ABCC12: variants seen among roughly 807,000 people sequenced by gnomAD.
ABCC12 encodes ATP binding cassette subfamily C member 12, also known as ATP-binding cassette sub-family C member 12.
ABCC12 carries 142 observed loss-of-function variants against 151.1 expected under a neutral mutation model. The observed-to-expected ratio is 0.94, with a 90% CI of 0.82 to 1.08. ABCC12 has a LOEUF of 1.08. Among genes scored for constraint, ABCC12 ranks in the 50% least tolerant of loss-of-function variants. The pLI, the probability that ABCC12 is intolerant of heterozygous loss-of-function variation, is 0.00. For missense variants in ABCC12, 1,638 were observed against 1,691.1 expected (o/e 0.97, Z 0.55); for synonymous variants, 645 against 646.4 (o/e 1.00, Z 0.03).
chr16:48,117,724 G>A (rs1963935585), intron 13 of ABCC12, among the ~76,000 whole-genome samples: 1 of 152,166 alleles, frequency 6.6e-6, no homozygotes, highest in African/African-American at 2.4e-5. Flanking sequence ...GGGGGTCACA[G>A]GGCTGAAGCA....
rs528419233 is a variant in ABCC12, at chr16:48,081,170, G to A, written c.*2545C>T. ...TATGTTTCAACAGGAGGATTTTGGGGGAACACAATGTTCAGATCATAGCAG... is the reference window on the plus strand; with the variant it reads ...TATGTTTCAACAGGAGGATTTTGGGAGAACACAATGTTCAGATCATAGCAG... On this transcript the variant is annotated 3_prime_UTR_variant, in exon 31 of 31. Coordinates refer to ENST00000311303, the MANE Select transcript of ABCC12 (RefSeq NM_001393797.1). Among the ~76,000 whole-genome samples, 1 of 152,240 alleles carries A rather than the reference G, an allele frequency of 6.6e-6. No homozygotes were observed. The highest frequency in any genetic ancestry group is 2.1e-4 in the South Asian group (1 of 4,824).
chr16:48,152,577 G>A (rs1250714149), intron 2 of ABCC12, among the ~76,000 whole-genome samples: 1 of 152,214 alleles, frequency 6.6e-6, no homozygotes, highest in Admixed American at 6.5e-5. Flanking sequence ...GGCAAGTTCT[G>A]AAACCCAGCT....
In ABCC12 at chr16:48,143,948, T is replaced by C. The variant is rs200577234; in HGVS notation, c.237A>G (p.Pro79=). Residue 79 remains proline (P), a synonymous_variant, in exon 4 of 31, where the codon CCA becomes CCG. Coordinates refer to ENST00000311303, the MANE Select transcript of ABCC12 (RefSeq NM_001393797.1). ...RQRLTVDTLP[P]LSTYDSSDTN... is the part of the protein sequence containing the mutation. ...TGTCAGATGAGTCATATGTCGACAA[T>C]GGGGGCAGGGTGTCTACGGTCAGCC... is the stretch of plus-strand genomic sequence containing the variant. 9.9e-6 allele frequency: 16 copies of C among 1,614,130 alleles called. No individual in the cohort carries two copies. The East Asian group carries it at 3.3e-4, about 34-fold the overall frequency.
chr16:48,116,312 C>G (rs1273570698), intron 14 of ABCC12, among the ~76,000 whole-genome samples: 1 of 152,194 alleles, frequency 6.6e-6, no homozygotes, highest in Non-Finnish European at 1.5e-5. Context: ...AGTCCCCTCT[C>G]CCTGGGGAGC....
At chr16:48,105,996 C>T (rs1963480117) in intron 20 of ABCC12, among the ~76,000 whole-genome samples, 1 of 152,184 alleles carries the variant, frequency 6.6e-6, no homozygotes, top group African/African-American at 2.4e-5. Flanking sequence ...TGAAAACACA[C>T]AATTTTGCCG....
intron 22 of ABCC12, among the ~76,000 whole-genome samples, chr16:48,103,713 GTCC>G (rs1011273942): frequency 1.4e-4 from 22 of 152,236 alleles, no homozygotes; most frequent in African/African-American, 5.3e-4. Context: ...AATCATGGCT[GTCC>G]TCCTGCTTTC....
rs936271975 is a variant in ABCC12 at position 48,083,630 on chromosome 16, C to T, written c.*85G>A. The stretch of plus-strand genomic sequence containing the variant: ...AGGGGCTGAAGACCAGGGCTGCCTG[C>T]GGAGAGGACAGCCCCTCCTCCTGAA... On this transcript the variant is annotated 3_prime_UTR_variant, in exon 31 of 31. Coordinates refer to ENST00000311303, the MANE Select transcript of ABCC12 (RefSeq NM_001393797.1). 5.4e-5 allele frequency: 75 copies of T among 1,387,228 alleles called. No individual in the cohort carries two copies. Among genetic ancestry groups the T allele is most frequent in the Non-Finnish European group, 7.1e-5 (71 of 996,610 alleles). The allele number at this position is 1,387,228 out of a possible 1,614,324, so 85.9% of individuals were successfully genotyped here.
intron 24 of ABCC12, 132 bp downstream of exon 24, chr16:48,096,614 A>T: frequency 1.1e-6 from 1 of 908,656 alleles, no homozygotes; most frequent in South Asian, 1.6e-5. Flanking sequence ...TAATGATGTG[A>T]GCCACTAAGC....
intron 11 of ABCC12, among the ~76,000 whole-genome samples, chr16:48,125,716 C>A (rs1198080768): frequency 6.6e-6 from 1 of 152,212 alleles, no homozygotes; most frequent in Non-Finnish European, 1.5e-5. Context: ...CAACATGGGG[C>A]CAAATATGGC....
rs777840016 is a variant in ABCC12, at chr16:48,096,907, A to G, written c.3039-5T>C. On this transcript the variant is annotated splice_region_variant and splice_polypyrimidine_tract_variant and intron_variant, in intron 23 of 30. Coordinates refer to ENST00000311303, the MANE Select transcript of ABCC12 (RefSeq NM_001393797.1). ...CAGTTAAAGTAGAGGAGGTGACTGG[A>G]GTTTTCGTCGTTTAGCGTCTTAAAC... is the stretch of plus-strand genomic sequence containing the variant. 5 of 1,614,136 alleles carry G rather than the reference A, an allele frequency of 3.1e-6. No individual in the cohort carries two copies. The South Asian group carries it at 5.5e-5, about 18-fold the overall frequency.
Position 48,133,786 on chromosome 16 carries a change from T to C in ABCC12, c.1029A>G (p.Gln343=). 5.0e-6 allele frequency: 8 copies of C among 1,614,156 alleles called. No homozygotes were observed. Among genetic ancestry groups the C allele is most frequent in the Non-Finnish European group, 6.8e-6 (8 of 1,180,022 alleles). The change falls in exon 9 of 31, where the codon CAA becomes CAG. Residue 343 remains glutamine (Q), a synonymous_variant. Transcript: ENST00000311303. ...RKLLEKAGFV[Q]SGNSALAPIV... ...TGGGGGCCAGGGCAGAGTTTCCACT[T>C]TGGACAAATCCAGCTTTTTCCAGTA... is the stretch of plus-strand genomic sequence containing the variant.
Position 48,108,387 on chromosome 16 carries a change from C to T in ABCC12, c.2371+53G>A, listed in dbSNP as rs978194361. ...AAAACGTGAACCCAACAGTTTAAGA[C>T]AGGATTTTTAAAATGCAAATTAAAT... On this transcript the variant is annotated intron_variant, in intron 19 of 30. Coordinates refer to ENST00000311303, the MANE Select transcript of ABCC12 (RefSeq NM_001393797.1). 6 of 1,513,430 alleles carry T rather than the reference C, an allele frequency of 4.0e-6. No homozygotes were observed. The African/African-American group carries it at 4.1e-5, about 10-fold the overall frequency. The allele number at this position is 1,513,430 out of a possible 1,614,324, so 93.8% of individuals were successfully genotyped here. A position where few individuals can be genotyped will look rare whatever the true frequency, so the allele number is the denominator to read the frequency against.
chr16:48,103,939 A>C (rs1963391728), intron 22 of ABCC12, among the ~76,000 whole-genome samples: 2 of 152,316 alleles, frequency 1.3e-5, no homozygotes, highest in South Asian at 4.1e-4. Flanking sequence ...CAGTGCCGTA[A>C]TCTTTCAATA....
chr16:48,139,489 T>G (rs1964732377), intron 6 of ABCC12, among the ~76,000 whole-genome samples, 153 bp from the exon 7 acceptor site: 1 of 152,076 alleles, frequency 6.6e-6, no homozygotes, highest in East Asian at 1.9e-4. Flanking sequence ...TATGATGAGT[T>G]TTATGGGTTC....
At position 48,111,486 on chromosome 16, in the gene ABCC12, T is replaced by A; in HGVS notation, c.2231A>T (p.Lys744Ile). The change falls in exon 18 of 31, where the codon AAA becomes ATA. Residue 744 changes from lysine (K) to isoleucine (I), a missense_variant. Physicochemically the swap from Lys to Ile is moderately radical, Grantham distance 102 (BLOSUM62 -3). Transcript: ENST00000311303. ...GIIVLAPGNE[K>I]DEGKESETGS... The stretch of plus-strand genomic sequence containing the variant: ...TGTTTCAGATTCTTTTCCTTCATCT[T>A]TCTCATTTCCTGGAGCCAAAACTAG... 6.2e-7 allele frequency: 1 copy of A among 1,614,204 alleles called. No individual in the cohort carries two copies. The highest frequency in any genetic ancestry group is 8.5e-7 in the Non-Finnish European group (1 of 1,180,026).
At chr16:48,095,226 C>G (rs902518675) in intron 24 of ABCC12, among the ~76,000 whole-genome samples, 1 of 152,124 alleles carries the variant, frequency 6.6e-6, no homozygotes. Flanking sequence ...ATAAGTCTCA[C>G]GAGAGCTGAT....
At chr16:48,151,604 G>C (rs1965118274) in intron 2 of ABCC12, among the ~76,000 whole-genome samples, 1 of 152,170 alleles carries the variant, frequency 6.6e-6, no homozygotes, top group Admixed American at 6.5e-5. Context: ...ATGGGGTACT[G>C]GAGAACTCTG....
intron 1 of ABCC12, among the ~76,000 whole-genome samples, chr16:48,154,624 G>C (rs1441091846): frequency 1.3e-5 from 2 of 152,084 alleles, no homozygotes; most frequent in Non-Finnish European, 2.9e-5. Context: ...CTCTATCCTT[G>C]TCTCTGCCCC....
chr16:48,126,521 G>A (rs1455425092), intron 11 of ABCC12, among the ~76,000 whole-genome samples: 1 of 152,190 alleles, frequency 6.6e-6, no homozygotes, highest in African/African-American at 2.4e-5. Context: ...ACTTAAGCTG[G>A]ACATAATTGT....
Sources: allele counts gnomAD v4.1 joint callset (sites outside exome capture counted in the v4.1 genomes callset), GRCh38; gene constraint gnomAD v4.1.1; transcripts MANE v1.5; gene names NCBI Gene and HGNC (gene_info 2026-07-23, HGNC 2026-07-21).